SLC10A6: variants seen among roughly 807,000 people sequenced by gnomAD.
SLC10A6 encodes sodium-dependent organic anion transporter.
SLC10A6 carries 27 observed loss-of-function variants against 30.0 expected under a neutral mutation model. The ratio of observed to expected loss-of-function variants is 0.90; its 90% CI spans 0.66 to 1.24. The LOEUF (loss-of-function observed/expected upper bound fraction) is 1.24. SLC10A6 is among the 50% of genes most tolerant of loss of function. The pLI, the probability that SLC10A6 is intolerant of heterozygous loss-of-function variation, is 0.00. For missense variants in SLC10A6, 439 were observed against 457.0 expected, an observed-to-expected ratio of 0.96 and a Z score of 0.36; for synonymous variants, 166 against 173.8, an observed-to-expected ratio of 0.95 and a Z score of 0.36.
intron 1 of SLC10A6, among the ~76,000 whole-genome samples, chr4:86,844,759 A>C (rs1489700293): frequency 3.9e-5 from 6 of 152,184 alleles, no homozygotes; most frequent in African/African-American, 7.2e-5. Context: ...TAATTTATAA[A>C]GGAAAGGGAT....
intron 1 of SLC10A6, among the ~76,000 whole-genome samples, chr4:86,842,871 T>TTTCTTTCTTTCC (rs1746327826): frequency 1.8e-5 from 1 of 55,650 alleles, no homozygotes; most frequent in South Asian, 4.0e-4. Context: ...TCTTTCTTTC[T>TTTCTTTCTTTCC]TTCTTTTTTT....
chr4:86,825,345 AT>A (rs1326167936), intron 5 of SLC10A6, 74 bp downstream of exon 5: 2 of 1,439,230 alleles, frequency 1.4e-6, no homozygotes, highest in Non-Finnish European at 1.9e-6. Context: ...GCAAGTTTGG[AT>A]TGAAAAAAAA....
In SLC10A6 at chr4:86,844,391, A is replaced by G. The variant is rs1051273124; in HGVS notation, c.377+4348T>C. Among the ~76,000 whole-genome samples, 17 of 152,026 alleles carry G rather than the reference A, an allele frequency of 1.1e-4. 1 individual carries two copies. Among genetic ancestry groups the G allele is most frequent in the African/African-American group, 2.9e-4 (12 of 41,400 alleles). ...CCATCTCTAGTAGGATATATTGGGG[A>G]AAAAAATGCCCCCTATTCTTCACCC... is the stretch of plus-strand genomic sequence containing the variant. On this transcript the variant is annotated intron_variant, in intron 1 of 5. Transcript: ENST00000273905.
intron 1 of SLC10A6, among the ~76,000 whole-genome samples, chr4:86,836,023 G>C (rs1223240321): frequency 6.6e-6 from 1 of 152,140 alleles, no homozygotes; most frequent in African/African-American, 2.4e-5. Context: ...GGCCACCTTG[G>C]AAAGTGAAAT....
Position 86,838,877 on chromosome 4 carries a change from C to G in SLC10A6, c.378-5453G>C, listed in dbSNP as rs1216620264. On this transcript the variant is annotated intron_variant, in intron 1 of 5. Coordinates refer to ENST00000273905, the MANE Select transcript of SLC10A6 (RefSeq NM_197965.3). ...GATGGAGGTTGCAGTGAGCCGAGAT[C>G]ATGCCATTGCACTCCAGCCTGGGTG... is the stretch of plus-strand genomic sequence containing the variant. Among the ~76,000 whole-genome samples the G allele has an allele frequency of 2.3e-5, 3 of 129,948 alleles. No individual in the cohort carries two copies. The East Asian group carries it at 7.0e-4, about 31-fold the overall frequency. 85.3% of individuals were successfully genotyped at this position (129,948 alleles called of 152,430 possible).
chr4:86,835,381 A>C (rs188676952), intron 1 of SLC10A6, among the ~76,000 whole-genome samples: 1 of 152,240 alleles, frequency 6.6e-6, no homozygotes, highest in Non-Finnish European at 1.5e-5. Flanking sequence ...AGAAACTGTG[A>C]TTGGGCCAAG....
intron 1 of SLC10A6, among the ~76,000 whole-genome samples, chr4:86,839,903 ATTTTTTTTTTTTAT>A (rs1276936871): frequency 4.2e-5 from 6 of 142,240 alleles, no homozygotes; most frequent in Non-Finnish European, 9.3e-5. Flanking sequence ...TTACACTCTT[ATTTTTTTTTTTTAT>A]TTTTTTTTTT....
intron 1 of SLC10A6, among the ~76,000 whole-genome samples, chr4:86,835,581 C>A (rs1229841804): frequency 6.6e-6 from 1 of 152,014 alleles, no homozygotes; most frequent in Non-Finnish European, 1.5e-5. Flanking sequence ...GCAGGAGAAT[C>A]ACTTGGACCC....
intron 3 of SLC10A6, among the ~76,000 whole-genome samples, chr4:86,829,515 T>G (rs111867108): frequency 1.3e-5 from 2 of 152,060 alleles, no homozygotes; most frequent in African/African-American, 4.8e-5. Flanking sequence ...TGGGGAACAC[T>G]TAAGTTTGTT....
chr4:86,830,607 C>T (rs528043489), intron 3 of SLC10A6, among the ~76,000 whole-genome samples: 28 of 152,242 alleles, frequency 1.8e-4, no homozygotes, highest in East Asian at 1.2e-3. Flanking sequence ...CATTCTCCAT[C>T]GCACTGAAGG....
chr4:86,849,055 G>T lies in SLC10A6; in HGVS notation c.61C>A (p.Pro21Thr). ...CPANSSEEEL[P>T]VGLEVHGNLE... is the part of the protein sequence containing the mutation. Reference sequence around the variant, plus strand: ...TTTCCATGCACCTCCAGTCCCACTGGCAGCTCCTCCTCTGAACTGTTGGCA... The same window carrying T: ...TTTCCATGCACCTCCAGTCCCACTGTCAGCTCCTCCTCTGAACTGTTGGCA... Residue 21 changes from proline to threonine, a missense_variant, in exon 1 of 6, where the codon CCA (proline) becomes ACA (threonine). Coordinates refer to ENST00000273905, the MANE Select transcript of SLC10A6 (RefSeq NM_197965.3). The T allele has an allele frequency of 6.2e-7, 1 of 1,614,154 alleles. No individual in the cohort carries two copies. Among genetic ancestry groups the T allele is most frequent in the Non-Finnish European group, 8.5e-7 (1 of 1,180,026 alleles).
rs1745967586 is a variant in SLC10A6 at position 86,825,591 on chromosome 4, AAT to A, written c.762-16_762-15del. 1 of 1,574,310 alleles carries A rather than the reference AAT, an allele frequency of 6.4e-7. No homozygotes were observed. The highest frequency in any genetic ancestry group is 1.1e-5 in the South Asian group (1 of 88,292). The stretch of plus-strand genomic sequence containing the variant: ...ATTGTCCTGCACCTACCAAAAAGAA[AAT>A]GTTTCAAGAGTAACGCACTAGCAAT... On this transcript the variant is annotated splice_polypyrimidine_tract_variant and intron_variant, in intron 4 of 5. Transcript: ENST00000273905.
At chr4:86,844,767 G>A (rs1481776494) in intron 1 of SLC10A6, among the ~76,000 whole-genome samples, 1 of 152,156 alleles carries the variant, frequency 6.6e-6, no homozygotes, top group Non-Finnish European at 1.5e-5. Context: ...AAAGGAAAGG[G>A]ATTTGATTGA....
At chr4:86,835,002 G>T (rs1206968612) in intron 1 of SLC10A6, among the ~76,000 whole-genome samples, 1 of 152,122 alleles carries the variant, frequency 6.6e-6, no homozygotes, top group Non-Finnish European at 1.5e-5. Context: ...ATTCATGAGA[G>T]ATCCACCCCA....
chr4:86,844,072 G>C (rs1252624057), intron 1 of SLC10A6, among the ~76,000 whole-genome samples: 2 of 152,078 alleles, frequency 1.3e-5, no homozygotes, highest in Non-Finnish European at 2.9e-5. Flanking sequence ...CAGCTACTCG[G>C]GAGGCTGAGG....
At chr4:86,844,545 G>A (rs561817822) in intron 1 of SLC10A6, among the ~76,000 whole-genome samples, 1 of 152,332 alleles carries the variant, frequency 6.6e-6, no homozygotes, top group African/African-American at 2.4e-5. Context: ...GTGGTGGAAG[G>A]AAGAGGATCT....
At chr4:86,835,465 G>A (rs1469600880) in intron 1 of SLC10A6, among the ~76,000 whole-genome samples, 1 of 152,116 alleles carries the variant, frequency 6.6e-6, no homozygotes, top group Non-Finnish European at 1.5e-5. Flanking sequence ...TCAGAAGTTC[G>A]AGACCAGCCT....
chr4:86,837,315 A>AAGGGAGGGAGGGAGGGAGGAAG (rs1746215409), intron 1 of SLC10A6, among the ~76,000 whole-genome samples: 2 of 143,670 alleles, frequency 1.4e-5, no homozygotes, highest in Admixed American at 6.9e-5. Context: ...GGAAGGAAGG[A>AAGGGAGGGAGGGAGGGAGGAAG]AGGAAGGAAG....
chr4:86,825,624 C>A (rs1391522440), intron 4 of SLC10A6, 47 bp from the exon 5 acceptor site: 9 of 1,528,540 alleles, frequency 5.9e-6, no homozygotes, highest in African/African-American at 1.4e-5. Flanking sequence ...GCAATAAGAA[C>A]TATTCTAATA....
Sources: allele counts gnomAD v4.1 joint callset (sites outside exome capture counted in the v4.1 genomes callset), GRCh38; gene constraint gnomAD v4.1.1; transcripts MANE v1.5; gene names NCBI Gene and HGNC (gene_info 2026-07-23, HGNC 2026-07-21).